The following CBX7 variants were observed in gnomAD, a reference collection of about 807,000 sequenced individuals.
CBX7 encodes chromobox protein homolog 7.
In CBX7, 14 loss-of-function variants were observed where a neutral mutation model predicts 31.4. The observed-to-expected ratio is 0.45, with a 90% CI of 0.29 to 0.70. The LOEUF (loss-of-function observed/expected upper bound fraction) is 0.70, where lower values mean the gene tolerates loss of function less well. Ranked by LOEUF, CBX7 falls within the 30% of genes least tolerant of loss-of-function variation. The probability of loss-of-function intolerance (pLI) is 0.11; values close to 1 mark genes in which losing one functional copy is unlikely to be tolerated. For missense variants in CBX7, 269 were observed against 351.9 expected, an observed-to-expected ratio of 0.76 and a Z score of 1.89; for synonymous variants, 159 against 152.6, an observed-to-expected ratio of 1.04 and a Z score of -0.31.
intron 3 of CBX7, among the ~76,000 whole-genome samples, chr22:39,139,975 A>G (rs1197021766): frequency 1.3e-5 from 2 of 152,178 alleles, no homozygotes; most frequent in East Asian, 1.9e-4. Flanking sequence ...GAAGCTACAC[A>G]TGACACATAA....
At chr22:39,138,004 AC>A (rs1251350424) in intron 4 of CBX7, among the ~76,000 whole-genome samples, 2 of 151,724 alleles carry the variant, frequency 1.3e-5, no homozygotes, top group Non-Finnish European at 2.9e-5. Context: ...ACACGGTGAA[AC>A]CCCGTCTCTG....
At position 39,132,225 on chromosome 22, in the gene CBX7, C is replaced by G. The variant is rs1217702573; in HGVS notation, c.*1666G>C. On this transcript the variant is annotated 3_prime_UTR_variant, in exon 6 of 6. Transcript: ENST00000216133. ...TGCAGGCTGTCTTTGGTTTGGGAAC[C>G]AGGGAAGAAGGGATTTGGGGAAAGA... 12 of 152,382 alleles carry G rather than the reference C, an allele frequency of 7.9e-5. 1 individual carries two copies. In the East Asian group the frequency reaches 2.3e-3, roughly 29 times the overall value. 9.4% of individuals were successfully genotyped at this position (152,382 alleles called of 1,614,324 possible).
chr22:39,149,735 G>A, intron 2 of CBX7, 54 bp downstream of exon 2: 4 of 1,533,364 alleles, frequency 2.6e-6, no homozygotes, highest in Non-Finnish European at 3.6e-6. Flanking sequence ...GCAGGTGGAG[G>A]AATGCATGGG....
chr22:39,138,587 C>CT (rs1344824686), intron 4 of CBX7, 49 bp downstream of exon 4: 1 of 1,569,066 alleles, frequency 6.4e-7, no homozygotes, highest in South Asian at 1.1e-5. Context: ...CAGAGGGGGA[C>CT]TTGGGGTTGG....
At chr22:39,144,916 G>A (rs1383825967) in intron 2 of CBX7, among the ~76,000 whole-genome samples, 2 of 152,350 alleles carry the variant, frequency 1.3e-5, no homozygotes, top group Non-Finnish European at 2.9e-5. Context: ...GAGAAACTGA[G>A]ACACGGAGGT....
chr22:39,151,609 T>TC (rs778248755), intron 1 of CBX7, among the ~76,000 whole-genome samples: 1 of 152,146 alleles, frequency 6.6e-6, no homozygotes, highest in African/African-American at 2.4e-5. Context: ...AAGGAACTTC[T>TC]CCCCAAGGAT....
intron 4 of CBX7, among the ~76,000 whole-genome samples, chr22:39,137,903 T>C (rs142361544): frequency 3.6e-4 from 54 of 151,374 alleles, no homozygotes; most frequent in African/African-American, 1.0e-3. Flanking sequence ...TGTTTCTGGC[T>C]GGGCGCGGTG....
At chr22:39,141,192 G>T (rs974110234) in intron 3 of CBX7, 179 bp downstream of exon 3, 22 of 552,802 alleles carry the variant, frequency 4.0e-5, no homozygotes, top group Non-Finnish European at 6.7e-5. Context: ...AGGGCCCCAG[G>T]GTCCTCAGCT....
intron 2 of CBX7, among the ~76,000 whole-genome samples, chr22:39,145,907 G>A (rs1930644914): frequency 6.6e-6 from 1 of 151,832 alleles, no homozygotes; most frequent in South Asian, 2.1e-4. Flanking sequence ...GCGGGTGCAG[G>A]ACCCCCGCCG....
Position 39,152,069 on chromosome 22 carries a change from G to T in CBX7, c.69+307C>A, listed in dbSNP as rs967977301. On this transcript the variant is annotated intron_variant, in intron 1 of 5. Transcript: ENST00000216133. This position sits in a 1 kb window ranked among gnomAD's most constrained non-coding sequence, Gnocchi z 4.9. Reference sequence around the variant, plus strand: ...GCAAGTCCTTTCAACTTGGGCCTCAGTCTCCCCATATTTACAATAAAAGGG... The same window carrying T: ...GCAAGTCCTTTCAACTTGGGCCTCATTCTCCCCATATTTACAATAAAAGGG... 3.3e-5 allele frequency among the ~76,000 whole-genome samples: 5 copies of T among 152,190 alleles called. No individual in the cohort carries two copies. The highest frequency in any genetic ancestry group is 3.3e-4 in the Admixed American group (5 of 15,286).
At chr22:39,138,111 G>A (rs1930319277) in intron 4 of CBX7, among the ~76,000 whole-genome samples, 1 of 151,470 alleles carries the variant, frequency 6.6e-6, no homozygotes, top group South Asian at 2.1e-4. Context: ...AACCCGGGAG[G>A]TGGAGCTTGC....
chr22:39,142,646 A>T (rs1278728059), intron 2 of CBX7, among the ~76,000 whole-genome samples: 1 of 152,266 alleles, frequency 6.6e-6, no homozygotes, highest in Non-Finnish European at 1.5e-5. Context: ...CTGCCTTTAG[A>T]GGAGCTTTTT....
chr22:39,134,389 G>C lies in CBX7; in HGVS notation c.598+12C>G. 1.3e-6 allele frequency: 2 copies of C among 1,588,610 alleles called. No individual in the cohort carries two copies. The highest frequency in any genetic ancestry group is 1.7e-6 in the Non-Finnish European group (2 of 1,174,250). ...TCCAGCTCTGAGGGTCTCTGGGCTG[G>C]GGCCGCCTTACCCTCCTCTTCAGGG... On this transcript the variant is annotated intron_variant, in intron 5 of 5. Transcript: ENST00000216133.
Position 39,141,367 on chromosome 22 carries a change from G to A in CBX7, c.179+4C>T, listed in dbSNP as rs772125253. 33 of 1,610,400 alleles carry A rather than the reference G, an allele frequency of 2.0e-5. No individual in the cohort carries two copies. Among genetic ancestry groups the A allele is most frequent in the East Asian group, 8.9e-5 (4 of 44,762 alleles). ...CCCACCCGGCGGTGCCGAGGACACCGTACTTCTCCTCGTAGGCCATGACGA... is the reference window on the plus strand; with the variant it reads ...CCCACCCGGCGGTGCCGAGGACACCATACTTCTCCTCGTAGGCCATGACGA... On this transcript the variant is annotated splice_donor_region_variant and intron_variant, in intron 3 of 5. Coordinates refer to ENST00000216133, the MANE Select transcript of CBX7 (RefSeq NM_175709.5).
At chr22:39,136,549 A>C (rs714016) in intron 4 of CBX7, 100,864 of 152,324 alleles carry the variant, frequency 0.66, 34,081 homozygotes, top group African/African-American at 0.81. Context: ...CCCTGACTCG[A>C]TGGCACGTGA....
At chr22:39,141,148 A>C in intron 3 of CBX7, 2 of 506,316 alleles carry the variant, frequency 4.0e-6, no homozygotes, top group Admixed American at 3.5e-5. Context: ...CCGGGTGGGT[A>C]AAGGAAGTGA....
chr22:39,143,335 A>G (rs1930526572), intron 2 of CBX7, among the ~76,000 whole-genome samples: 1 of 152,012 alleles, frequency 6.6e-6, no homozygotes, highest in South Asian at 2.1e-4. Context: ...ACTTTTTTAA[A>G]TAGAAGAAAG....
chr22:39,144,967 G>A (rs886445237), intron 2 of CBX7, among the ~76,000 whole-genome samples: 1 of 152,222 alleles, frequency 6.6e-6, no homozygotes, highest in African/African-American at 2.4e-5. Context: ...TCAGTGGCCG[G>A]CCCGTGTTGG....
Position 39,133,748 on chromosome 22 carries a change from G to T in CBX7, c.*143C>A. The T allele has an allele frequency of 1.3e-6, 1 of 766,182 alleles. No individual in the cohort carries two copies. Among genetic ancestry groups the T allele is most frequent in the Non-Finnish European group, 2.0e-6 (1 of 508,092 alleles). 47.5% of individuals were successfully genotyped at this position (766,182 alleles called of 1,614,324 possible). ...TCCCTCAGAGAAAGGGCAGGTGGTG[G>T]GAGAGTAGTGGGATCTTCTCCCCTT... On this transcript the variant is annotated 3_prime_UTR_variant, in exon 6 of 6. Transcript: ENST00000216133.
Sources: allele counts gnomAD v4.1 joint callset (sites outside exome capture counted in the v4.1 genomes callset), GRCh38; gene constraint gnomAD v4.1.1; non-coding constraint Gnocchi (gnomAD v3.1); transcripts MANE v1.5; gene names NCBI Gene and HGNC (gene_info 2026-07-23, HGNC 2026-07-21).